The following MOCS1 variants were observed in gnomAD, a reference collection of about 807,000 sequenced individuals.
MOCS1 encodes molybdenum cofactor biosynthesis protein 1.
In MOCS1, 39 loss-of-function variants were observed where a neutral mutation model predicts 57.6. The ratio of observed to expected loss-of-function variants is 0.68; its 90% CI spans 0.52 to 0.88. The LOEUF (loss-of-function observed/expected upper bound fraction) is 0.88, where lower values mean the gene tolerates loss of function less well. MOCS1 is among the 40% of genes least tolerant of loss of function. MOCS1 has a pLI of 0.00. For synonymous variants in MOCS1, 334 were observed against 335.7 expected (o/e 1.00, Z 0.05); for missense variants, 795 against 831.1 (o/e 0.96, Z 0.53).
intron 1 of MOCS1, among the ~76,000 whole-genome samples, chr6:39,931,053 G>C (rs922513839): frequency 3.9e-5 from 6 of 152,142 alleles, no homozygotes; most frequent in Admixed American, 1.3e-4. Context: ...ACTAACAGCA[G>C]ATGGCCAGAG....
chr6:39,906,289 T>A lies in MOCS1; in HGVS notation c.*68A>T. ...TGACTGTGATTAAAGGAACCTGACG[T>A]CTTTCCCTCAGCCTACATTGCATCC... On this transcript the variant is annotated 3_prime_UTR_variant, in exon 11 of 11. Coordinates refer to ENST00000340692, the MANE Select transcript of MOCS1 (RefSeq NM_001358530.2). 1 of 1,585,704 alleles carries A rather than the reference T, an allele frequency of 6.3e-7. No homozygotes were observed. Among genetic ancestry groups the A allele is most frequent in the Non-Finnish European group, 8.6e-7 (1 of 1,156,964 alleles).
At chr6:39,908,839 A>C (rs1767116193) in intron 10 of MOCS1, among the ~76,000 whole-genome samples, 1 of 152,140 alleles carries the variant, frequency 6.6e-6, no homozygotes, top group Non-Finnish European at 1.5e-5. Context: ...CAGAAGGATC[A>C]TTTCTGTGGC....
At chr6:39,927,632 C>G in intron 1 of MOCS1, 177 bp from the exon 2 acceptor site, 1 of 1,593,810 alleles carries the variant, frequency 6.3e-7, no homozygotes, top group Non-Finnish European at 8.5e-7. Context: ...GTTGAGAAAT[C>G]AGCTTGATGG....
intron 1 of MOCS1, 87 bp from the exon 2 acceptor site, chr6:39,927,542 C>G: frequency 6.2e-7 from 1 of 1,611,304 alleles, no homozygotes; most frequent in Non-Finnish European, 8.5e-7. Context: ...CCCTCCCTTA[C>G]TCTGACATCT....
At chr6:39,923,974 G>A (rs1269116510) in intron 3 of MOCS1, among the ~76,000 whole-genome samples, 1 of 152,198 alleles carries the variant, frequency 6.6e-6, no homozygotes. Flanking sequence ...GAGCTGAGGG[G>A]CGGGGGGTCC....
chr6:39,905,997 A>C lies in MOCS1; in HGVS notation c.*360T>G, dbSNP rs1162321962. 6.2e-6 allele frequency: 3 copies of C among 483,010 alleles called. No homozygotes were observed. Among genetic ancestry groups the C allele is most frequent in the South Asian group, 1.5e-5 (1 of 64,568 alleles). The allele number at this position is 483,010 out of a possible 1,614,324, so 29.9% of individuals were successfully genotyped here. On this transcript the variant is annotated 3_prime_UTR_variant, in exon 11 of 11. Coordinates refer to ENST00000340692, the MANE Select transcript of MOCS1 (RefSeq NM_001358530.2). ...AGGAAAGCAGGAGAAGAGAAAACCC[A>C]AAATGAGAAGGAAAAGTTCTGGGCT...
At chr6:39,925,636 GGCA>G in intron 3 of MOCS1, 39 bp downstream of exon 3, 14 of 1,611,202 alleles carry the variant, frequency 8.7e-6, no homozygotes, top group Non-Finnish European at 1.2e-5. Context: ...AGCCGGATGA[GGCA>G]GCGCTGGGAG....
intron 5 of MOCS1, 107 bp from the exon 6 acceptor site, chr6:39,913,535 T>G (rs1022649353): frequency 9.7e-7 from 1 of 1,029,240 alleles, no homozygotes; most frequent in African/African-American, 1.6e-5. Flanking sequence ...CAGGGACCCA[T>G]TCCTTGCTTC....
At chr6:39,919,168 A>T (rs1767825526) in intron 3 of MOCS1, among the ~76,000 whole-genome samples, 1 of 152,144 alleles carries the variant, frequency 6.6e-6, no homozygotes, top group Non-Finnish European at 1.5e-5. Flanking sequence ...AATCAGCGGC[A>T]ACTGCCCAAA....
Position 39,905,375 on chromosome 6 carries a change from C to G in MOCS1, c.*982G>C, listed in dbSNP as rs1159921850. 3 of 463,626 alleles carry G rather than the reference C, an allele frequency of 6.5e-6. No homozygotes were observed. Among genetic ancestry groups the G allele is most frequent in the African/African-American group, 6.0e-5 (3 of 50,068 alleles). The allele number at this position is 463,626 out of a possible 1,614,324, so 28.7% of individuals were successfully genotyped here. A position where few individuals can be genotyped will look rare whatever the true frequency, so the allele number is the denominator to read the frequency against. On this transcript the variant is annotated 3_prime_UTR_variant, in exon 11 of 11. Coordinates refer to ENST00000340692, the MANE Select transcript of MOCS1 (RefSeq NM_001358530.2). ...ATAGCGGGGCTATACAGAGAGTACA[C>G]CCTTAGGCCTTTCCAGGTCCCTCCT...
intron 4 of MOCS1, among the ~76,000 whole-genome samples, chr6:39,915,303 G>A (rs537819748): frequency 3.1e-4 from 47 of 152,302 alleles, no homozygotes; most frequent in Non-Finnish European, 3.1e-4. Flanking sequence ...TTTAAGAAAA[G>A]GAAGGAAAGA....
At position 39,904,705 on chromosome 6, in the gene MOCS1, G is replaced by A. The variant is rs1054976085; in HGVS notation, c.*1652C>T. 2.4e-5 allele frequency: 11 copies of A among 453,920 alleles called. No individual in the cohort carries two copies. Among genetic ancestry groups the A allele is most frequent in the African/African-American group, 1.4e-4 (7 of 49,986 alleles). 28.1% of individuals were successfully genotyped at this position (453,920 alleles called of 1,614,324 possible). A position where few individuals can be genotyped will look rare whatever the true frequency, so the allele number is the denominator to read the frequency against. On this transcript the variant is annotated 3_prime_UTR_variant, in exon 11 of 11. Transcript: ENST00000340692. Reference sequence around the variant, plus strand: ...GGAACTGTGACTATCTATCTCCCCCGACTTCTACCAGGGATGCCTTCACGC... The same window carrying A: ...GGAACTGTGACTATCTATCTCCCCCAACTTCTACCAGGGATGCCTTCACGC...
chr6:39,912,970 A>G lies in MOCS1; in HGVS notation c.792T>C (p.Tyr264=), dbSNP rs1444137976. The change falls in exon 7 of 11, where the codon TAT becomes TAC. Residue 264 remains tyrosine, a synonymous_variant. Coordinates refer to ENST00000340692, the MANE Select transcript of MOCS1 (RefSeq NM_001358530.2). ...GCCGGACAGTGTCTAGCATCTCCTT[A>G]TAGCTGACCATCTTCTTGAAGTTCC... ...NKWNFKKMVS[Y]KEMLDTVRQQ... 1 of 1,614,030 alleles carries G rather than the reference A, an allele frequency of 6.2e-7. No individual in the cohort carries two copies. The highest frequency in any genetic ancestry group is 1.1e-5 in the South Asian group (1 of 91,074).
Position 39,905,354 on chromosome 6 carries a change from CG to C in MOCS1, c.*1002del, listed in dbSNP as rs1354502901. ...CCTACTCCACTTTATTTTCCCATAG[CG>C]GGGCTATACAGAGAGTACACCCTTA... On this transcript the variant is annotated 3_prime_UTR_variant, in exon 11 of 11. Transcript: ENST00000340692. 6.5e-5 allele frequency: 30 copies of C among 459,580 alleles called. No homozygotes were observed. Among genetic ancestry groups the C allele is most frequent in the Non-Finnish European group, 9.7e-5 (22 of 226,994 alleles). The allele number at this position is 459,580 out of a possible 1,614,324, so 28.5% of individuals were successfully genotyped here.
intron 8 of MOCS1, among the ~76,000 whole-genome samples, chr6:39,911,307 C>A (rs1767312114): frequency 1.3e-5 from 2 of 152,182 alleles, no homozygotes; most frequent in South Asian, 4.1e-4. Flanking sequence ...ACCCAACCCA[C>A]CATCATCACC....
intron 4 of MOCS1, among the ~76,000 whole-genome samples, 197 bp downstream of exon 4, chr6:39,915,871 T>C (rs140842549): frequency 6.5e-4 from 99 of 152,260 alleles, no homozygotes; most frequent in Admixed American, 1.7e-3. Flanking sequence ...TTGGTCACCC[T>C]AGGTCATTAG....
At position 39,921,021 on chromosome 6, in the gene MOCS1, T is replaced by C. The variant is rs187701361; in HGVS notation, c.418+4657A>G. Among the ~76,000 whole-genome samples, 545 of 145,444 alleles carry C rather than the reference T, an allele frequency of 3.7e-3. 2 individuals carry two copies. The highest frequency in any genetic ancestry group is 0.013 in the African/African-American group (527 of 39,214). On this transcript the variant is annotated intron_variant, in intron 3 of 10. Transcript: ENST00000340692. ...GACAGGGCAGCAAGAAAACGATAAA[T>C]AGAAAACTGAGGAACACTTACCTTA...
intron 3 of MOCS1, among the ~76,000 whole-genome samples, chr6:39,923,328 C>A (rs1400790537): frequency 6.6e-6 from 1 of 152,220 alleles, no homozygotes; most frequent in Non-Finnish European, 1.5e-5. Flanking sequence ...GGGGAAGGAA[C>A]CTGCACAAGT....
At chr6:39,928,956 A>T (rs1768493312) in intron 1 of MOCS1, among the ~76,000 whole-genome samples, 1 of 152,220 alleles carries the variant, frequency 6.6e-6, no homozygotes, top group African/African-American at 2.4e-5. Context: ...AACTTTAAAA[A>T]AACATTCCAG....
Sources: gnomAD v4.1 joint callset for allele counts (sites outside exome capture counted in the v4.1 genomes callset) on GRCh38, gnomAD v4.1.1 for gene constraint, MANE v1.5 for transcripts, NCBI Gene and HGNC (gene_info 2026-07-23, HGNC 2026-07-21) for gene names.